NAALADL2: variants seen among roughly 807,000 people sequenced by gnomAD.
NAALADL2 encodes the protein N-acetylated alpha-linked acidic dipeptidase like 2.
In NAALADL2, 76 loss-of-function variants were observed where a neutral mutation model predicts 87.2. The ratio of observed to expected loss-of-function variants is 0.87; its 90% CI spans 0.72 to 1.05. The LOEUF is 1.05. Ranked by LOEUF, NAALADL2 falls within the 50% of genes least tolerant of loss-of-function variation. NAALADL2 has a pLI of 0.00. For synonymous variants in NAALADL2, 354 were observed against 331.0 expected (o/e 1.07, Z -0.75); for missense variants, 1,089 against 945.8 (o/e 1.15, Z -1.99).
chr3:174,526,724 G>A (rs1454241883), intron 1 of NAALADL2, among the ~76,000 whole-genome samples: 1 of 148,916 alleles, frequency 6.7e-6, no homozygotes, highest in Admixed American at 6.7e-5. Context: ...CACCCAGGCT[G>A]GAGTGCAGTG....
At chr3:175,587,905 G>A (rs756638719) in intron 10 of NAALADL2, among the ~76,000 whole-genome samples, 5 of 152,092 alleles carry the variant, frequency 3.3e-5, no homozygotes, top group Non-Finnish European at 5.9e-5. Flanking sequence ...CAGACCAGAT[G>A]TGATACACCT....
chr3:175,406,185 C>T (rs549891079), intron 5 of NAALADL2, among the ~76,000 whole-genome samples: 15 of 152,210 alleles, frequency 9.9e-5, no homozygotes, highest in African/African-American at 2.4e-4. Flanking sequence ...ATGAGAAAGA[C>T]GGTGATGTGA....
At chr3:174,770,561 TA>T (rs1234766819) in intron 3 of NAALADL2, among the ~76,000 whole-genome samples, 1 of 152,142 alleles carries the variant, frequency 6.6e-6, no homozygotes, top group Non-Finnish European at 1.5e-5. Flanking sequence ...GAGAAATAAA[TA>T]TTTTTTGGTG....
chr3:175,157,279 T>C (rs1330622468), intron 2 of NAALADL2, among the ~76,000 whole-genome samples: 1 of 152,126 alleles, frequency 6.6e-6, no homozygotes, highest in African/African-American at 2.4e-5. Flanking sequence ...GAAGGCAGCA[T>C]TTTGTAGTTG....
At chr3:175,210,952 T>C (rs1741691317) in intron 2 of NAALADL2, among the ~76,000 whole-genome samples, 1 of 151,878 alleles carries the variant, frequency 6.6e-6, no homozygotes, top group Non-Finnish European at 1.5e-5. Context: ...TATATTTGAC[T>C]GGTGTTTCAA....
At chr3:175,108,908 T>G (rs748505658) in intron 2 of NAALADL2, among the ~76,000 whole-genome samples, 6 of 151,732 alleles carry the variant, frequency 4.0e-5, no homozygotes, top group Non-Finnish European at 5.9e-5. Context: ...TTTCTGAAGG[T>G]TTTTCTCTTG....
At chr3:175,130,227 G>A (rs773176003) in intron 2 of NAALADL2, among the ~76,000 whole-genome samples, 7 of 151,868 alleles carry the variant, frequency 4.6e-5, no homozygotes, top group Non-Finnish European at 8.8e-5. Flanking sequence ...ATAAATTTTG[G>A]ATATTAACTT....
At chr3:174,750,438 GT>G (rs975169575) in intron 3 of NAALADL2, among the ~76,000 whole-genome samples, 5 of 85,610 alleles carry the variant, frequency 5.8e-5, no homozygotes, top group East Asian at 3.4e-4. Context: ...ATTTTATTTT[GT>G]TTTTTTTGGA....
chr3:174,817,625 A>C (rs114320438), intron 3 of NAALADL2, among the ~76,000 whole-genome samples: 12,183 of 152,238 alleles, frequency 0.08, 536 homozygotes, highest in Middle Eastern at 0.13. Flanking sequence ...ATTTTTAAAA[A>C]ATTTAAAAGC....
intron 11 of NAALADL2, among the ~76,000 whole-genome samples, chr3:175,666,159 A>G (rs1007469639): frequency 6.6e-6 from 1 of 152,134 alleles, no homozygotes; most frequent in African/African-American, 2.4e-5. Context: ...CTTCTGTGGT[A>G]CTTCTGTGTT....
chr3:175,700,447 G>A (rs901362528), intron 11 of NAALADL2, among the ~76,000 whole-genome samples: 5 of 152,266 alleles, frequency 3.3e-5, no homozygotes, highest in African/African-American at 7.2e-5. Context: ...GTTAGGAAGA[G>A]AGTTACCAAA....
intron 1 of NAALADL2, among the ~76,000 whole-genome samples, chr3:175,035,915 C>G (rs538883594): frequency 3.3e-5 from 5 of 152,246 alleles, no homozygotes; most frequent in African/African-American, 9.6e-5. Context: ...ACTGCCTGTT[C>G]TCTTCTGGCA....
intron 4 of NAALADL2, among the ~76,000 whole-genome samples, chr3:175,305,737 G>T (rs1330772216): frequency 1.3e-5 from 2 of 152,084 alleles, no homozygotes; most frequent in Admixed American, 6.5e-5. Context: ...GGTCAGGCTG[G>T]TATCAAACTC....
At position 175,267,671 on chromosome 3, in the gene NAALADL2, C is replaced by T. The variant is rs113476271; in HGVS notation, c.939+11141C>T. Among the ~76,000 whole-genome samples, 1,444 of 152,180 alleles carry T rather than the reference C, an allele frequency of 9.5e-3. 22 individuals carry two copies. Among genetic ancestry groups the T allele is most frequent in the African/African-American group, 0.033 (1,372 of 41,528 alleles). On this transcript the variant is annotated intron_variant, in intron 4 of 13. Transcript: ENST00000454872. ...GGGGGCAAAAAGAGGTACCTAGAGACATTCTTTACAGTTCTGACATGAGTG... is the reference window on the plus strand; with the variant it reads ...GGGGGCAAAAAGAGGTACCTAGAGATATTCTTTACAGTTCTGACATGAGTG...
intron 2 of NAALADL2, among the ~76,000 whole-genome samples, chr3:175,201,901 T>C (rs1370778224): frequency 1.3e-5 from 2 of 152,214 alleles, no homozygotes; most frequent in African/African-American, 4.8e-5. Context: ...CCTATTAATC[T>C]GTTCTTTCTA....
chr3:175,802,502 A>C (rs1242479360), intron 13 of NAALADL2, among the ~76,000 whole-genome samples: 1 of 148,532 alleles, frequency 6.7e-6, no homozygotes, highest in African/African-American at 2.6e-5. Flanking sequence ...TCTAGCCAGA[A>C]TAGTGAGAGG....
intron 4 of NAALADL2, among the ~76,000 whole-genome samples, chr3:175,271,716 AG>A (rs776382219): frequency 1.3e-5 from 2 of 152,122 alleles, no homozygotes; most frequent in Non-Finnish European, 2.9e-5. Context: ...CATTTGAACA[AG>A]GGGGGAGGCA....
intron 5 of NAALADL2, among the ~76,000 whole-genome samples, chr3:175,415,581 A>G (rs1195015186): frequency 6.6e-6 from 1 of 152,168 alleles, no homozygotes; most frequent in African/African-American, 2.4e-5. Flanking sequence ...AAAAAATACC[A>G]AACACATGCA....
At chr3:174,903,843 A>G (rs1216164075) in intron 1 of NAALADL2, among the ~76,000 whole-genome samples, 3 of 149,378 alleles carry the variant, frequency 2.0e-5, no homozygotes, top group Non-Finnish European at 2.9e-5. Flanking sequence ...AGTCATTTTT[A>G]TCATCATCAT....
Sources: gnomAD v4.1 joint callset for allele counts (sites outside exome capture counted in the v4.1 genomes callset) on GRCh38, gnomAD v4.1.1 for gene constraint, MANE v1.5 for transcripts, NCBI Gene and HGNC (gene_info 2026-07-23, HGNC 2026-07-21) for gene names.